Variants in RAD52 observed in about 807,000 individuals in gnomAD.
RAD52 encodes RAD52 DNA repair protein.
RAD52 carries 47 observed loss-of-function variants against 55.5 expected under a neutral mutation model. The ratio of observed to expected loss-of-function variants is 0.85; its 90% CI spans 0.67 to 1.08. The LOEUF is 1.08. Ranked by LOEUF, RAD52 falls within the 50% of genes least tolerant of loss-of-function variation. RAD52 has a pLI of 0.00. For synonymous variants in RAD52, 184 were observed against 198.9 expected, an observed-to-expected ratio of 0.92 and a Z score of 0.63; for missense variants, 468 against 522.8, an observed-to-expected ratio of 0.90 and a Z score of 1.02.
intron 1 of RAD52, among the ~76,000 whole-genome samples, chr12:972,993 A>C (rs1186755856): frequency 6.8e-6 from 1 of 148,068 alleles, no homozygotes; most frequent in Non-Finnish European, 1.5e-5. Flanking sequence ...AATTTTGTGC[A>C]AGAAAGTGAC....
chr12:960,902 C>G (rs1477460687), intron 1 of RAD52, among the ~76,000 whole-genome samples: 1 of 152,100 alleles, frequency 6.6e-6, no homozygotes, highest in African/African-American at 2.4e-5. Flanking sequence ...CATTGGTACA[C>G]AGATACTATC....
chr12:928,655 G>A (rs939148100), intron 5 of RAD52, among the ~76,000 whole-genome samples: 1 of 151,200 alleles, frequency 6.6e-6, no homozygotes, highest in African/African-American at 2.4e-5. Context: ...TTTTATTTTT[G>A]TGGCAAGATT....
intron 1 of RAD52, among the ~76,000 whole-genome samples, chr12:973,788 T>C (rs866576116): frequency 1.2e-4 from 18 of 148,468 alleles, no homozygotes; most frequent in African/African-American, 4.3e-4. Context: ...CCTTCTTTTT[T>C]TTTTTTTTTT....
At chr12:942,747 C>CAAA (rs755913438) in intron 1 of RAD52, among the ~76,000 whole-genome samples, 1 of 103,698 alleles carries the variant, frequency 9.6e-6, no homozygotes, top group Non-Finnish European at 2.1e-5. Flanking sequence ...GACTCTGTCT[C>CAAA]AAAAAAAAAA....
At chr12:960,174 T>A (rs539982204) in intron 1 of RAD52, among the ~76,000 whole-genome samples, 2 of 152,284 alleles carry the variant, frequency 1.3e-5, no homozygotes, top group East Asian at 3.9e-4. Flanking sequence ...ATCACTCTGG[T>A]TGTTGTACGG....
chr12:926,768 G>C, intron 6 of RAD52: 1 of 1,525,008 alleles, frequency 6.6e-7, no homozygotes, highest in Non-Finnish European at 8.8e-7. Context: ...ACATCTGCGT[G>C]ACTGTGTAAC....
At chr12:915,528 A>G (rs540559941) in intron 9 of RAD52, among the ~76,000 whole-genome samples, 31 of 152,304 alleles carry the variant, frequency 2.0e-4, no homozygotes, top group African/African-American at 7.0e-4. Flanking sequence ...CTACCGCTGG[A>G]TGGGCAGGAG....
At chr12:941,686 G>A (rs1199641887) in intron 1 of RAD52, among the ~76,000 whole-genome samples, 1 of 151,982 alleles carries the variant, frequency 6.6e-6, no homozygotes, top group Middle Eastern at 3.2e-3. Flanking sequence ...AGGCTGGAGT[G>A]CAATGGCACT....
intron 1 of RAD52, among the ~76,000 whole-genome samples, chr12:972,011 G>T (rs991746802): frequency 1.3e-5 from 2 of 152,184 alleles, no homozygotes; most frequent in African/African-American, 4.8e-5. Flanking sequence ...GCCTCCCAAA[G>T]TACCTTTACC....
rs1047330074 is a variant in RAD52, at chr12:962,033, C to G, written c.-19+27776G>C. ...CCTGCTGACACCTTGATCTTAGACT[C>G]TAGCCTTTAGAACAAATTTCTGTTC... is the stretch of plus-strand genomic sequence containing the variant. On this transcript the variant is annotated intron_variant, in intron 1 of 11. Transcript: ENST00000430095. Among the ~76,000 whole-genome samples the G allele has an allele frequency of 5.9e-5, 9 of 152,280 alleles. 1 individual carries two copies. In the South Asian group the frequency reaches 1.9e-3, roughly 32 times the overall value.
At chr12:916,320 G>T (rs369262079) in intron 9 of RAD52, 24 bp downstream of exon 9, 3 of 1,601,882 alleles carry the variant, frequency 1.9e-6, no homozygotes, top group Non-Finnish European at 2.5e-6. Context: ...GCCTCCCAGG[G>T]CCCTGCTCCC....
intron 6 of RAD52, 188 bp downstream of exon 6, chr12:926,957 A>G (rs781031335): frequency 3.2e-6 from 5 of 1,547,008 alleles, no homozygotes; most frequent in Middle Eastern, 1.7e-4. Flanking sequence ...CTGAAACAGA[A>G]ACATTGAAAA....
chr12:927,361 C>A, intron 5 of RAD52, 98 bp from the exon 6 acceptor site: 2 of 896,690 alleles, frequency 2.2e-6, no homozygotes, highest in Non-Finnish European at 3.6e-6. Flanking sequence ...CCGGACTCTC[C>A]CACCTGGCGG....
intron 1 of RAD52, among the ~76,000 whole-genome samples, chr12:971,975 C>T (rs1958864466): frequency 1.3e-5 from 2 of 152,140 alleles, no homozygotes; most frequent in South Asian, 4.1e-4. Flanking sequence ...GTCTCGATCT[C>T]CTGACCTCGT....
intron 9 of RAD52, among the ~76,000 whole-genome samples, chr12:915,749 ACT>A (rs1956332543): frequency 6.6e-6 from 1 of 150,964 alleles, no homozygotes; most frequent in East Asian, 1.9e-4. Flanking sequence ...ACAGGGTCTC[ACT>A]CTGTTGCCCA....
intron 5 of RAD52, among the ~76,000 whole-genome samples, chr12:927,968 C>T (rs747626994): frequency 4.6e-5 from 7 of 152,080 alleles, no homozygotes; most frequent in East Asian, 3.8e-4. Context: ...AATCAGGTGG[C>T]GTCCAGCTCC....
chr12:958,135 C>T (rs781269559), intron 1 of RAD52, among the ~76,000 whole-genome samples: 4 of 152,238 alleles, frequency 2.6e-5, no homozygotes, highest in Non-Finnish European at 5.9e-5. Context: ...GGCCTCTCCG[C>T]AGACGGGATT....
At chr12:948,527 T>C (rs528872621) in intron 1 of RAD52, among the ~76,000 whole-genome samples, 1 of 152,022 alleles carries the variant, frequency 6.6e-6, no homozygotes, top group Non-Finnish European at 1.5e-5. Flanking sequence ...GGTGTGGTGG[T>C]ATGCGCCTGT....
intron 1 of RAD52, among the ~76,000 whole-genome samples, chr12:937,398 T>A (rs1437619190): frequency 6.6e-6 from 1 of 151,638 alleles, no homozygotes; most frequent in Non-Finnish European, 1.5e-5. Flanking sequence ...TAGCAGACAC[T>A]ACGGATGCTC....
Sources: allele counts gnomAD v4.1 joint callset (sites outside exome capture counted in the v4.1 genomes callset), GRCh38; gene constraint gnomAD v4.1.1; transcripts MANE v1.5; gene names NCBI Gene and HGNC (gene_info 2026-07-23, HGNC 2026-07-21).